The following SLC27A2 variants were observed in gnomAD, a reference collection of about 807,000 sequenced individuals.
SLC27A2 encodes the protein solute carrier family 27 member 2.
Under a neutral mutation model 60.0 loss-of-function variants are expected in SLC27A2, and 54 were observed. The ratio of observed to expected loss-of-function variants is 0.90; its 90% CI spans 0.72 to 1.13. The LOEUF is 1.13. SLC27A2 is among the 50% of genes most tolerant of loss of function. The pLI is 0.00. For missense variants in SLC27A2, 739 were observed against 777.6 expected (o/e 0.95, Z 0.59); for synonymous variants, 297 against 297.6 (o/e 1.00, Z 0.02).
chr15:50,200,400 A>C (rs1414029818), intron 2 of SLC27A2, among the ~76,000 whole-genome samples: 1 of 148,378 alleles, frequency 6.7e-6, no homozygotes, highest in Non-Finnish European at 1.5e-5. Context: ...CTGGCAACAG[A>C]GTGAAAGCCT....
chr15:50,201,052 C>T (rs865965674), intron 2 of SLC27A2, among the ~76,000 whole-genome samples: 1 of 152,196 alleles, frequency 6.6e-6, no homozygotes, highest in Middle Eastern at 3.2e-3. Context: ...AGTACAGTGG[C>T]AGGATCAGGG....
rs1231727452 is a variant in SLC27A2 at position 50,196,109 on chromosome 15, T to A, written c.479-1391T>A. On this transcript the variant is annotated intron_variant, in intron 1 of 9. Transcript: ENST00000267842. ...ATATATATATATATATATATATATA[T>A]ATATATATATATATATGTATGTACA... 1.2e-3 allele frequency among the ~76,000 whole-genome samples: 106 copies of A among 87,812 alleles called. 7 individuals are homozygous for A. The highest frequency in any genetic ancestry group is 6.3e-3 in the Middle Eastern group (1 of 160). 57.6% of individuals were successfully genotyped at this position (87,812 alleles called of 152,430 possible). A position where few individuals can be genotyped will look rare whatever the true frequency, so the allele number is the denominator to read the frequency against.
chr15:50,193,729 A>G (rs1014123375), intron 1 of SLC27A2, among the ~76,000 whole-genome samples: 1 of 152,186 alleles, frequency 6.6e-6, no homozygotes, highest in Admixed American at 6.5e-5. Context: ...TTCCACACTA[A>G]TATCATATTT....
At chr15:50,201,921 G>A (rs771968275) in intron 2 of SLC27A2, among the ~76,000 whole-genome samples, 51 of 152,186 alleles carry the variant, frequency 3.4e-4, no homozygotes, top group Non-Finnish European at 5.4e-4. Context: ...TGCTTTGTTT[G>A]TATAAAATAA....
intron 6 of SLC27A2, among the ~76,000 whole-genome samples, chr15:50,226,405 G>C (rs1485339318): frequency 2.0e-5 from 3 of 152,184 alleles, no homozygotes; most frequent in African/African-American, 7.2e-5. Context: ...GTGTAAGTGT[G>C]CATAAATCAT....
At chr15:50,224,872 A>C (rs2140912191) in intron 5 of SLC27A2, among the ~76,000 whole-genome samples, 1 of 152,276 alleles carries the variant, frequency 6.6e-6, no homozygotes, top group African/African-American at 2.4e-5. Context: ...CAGACTGAGA[A>C]TCGATCTCCT....
At chr15:50,210,944 G>A (rs1434601979) in intron 4 of SLC27A2, among the ~76,000 whole-genome samples, 1 of 152,142 alleles carries the variant, frequency 6.6e-6, no homozygotes, top group African/African-American at 2.4e-5. Flanking sequence ...AGTGACCTGG[G>A]AATCTCGCCC....
intron 3 of SLC27A2, among the ~76,000 whole-genome samples, chr15:50,203,020 A>AAAAAAT (rs369562703): frequency 6.1e-5 from 9 of 147,798 alleles, no homozygotes; most frequent in East Asian, 4.0e-4. Flanking sequence ...CTCTAAAAAA[A>AAAAAAT]ATATATATAT....
At chr15:50,217,475 A>G (rs2045207733) in intron 4 of SLC27A2, among the ~76,000 whole-genome samples, 1 of 152,132 alleles carries the variant, frequency 6.6e-6, no homozygotes, top group African/African-American at 2.4e-5. Flanking sequence ...CTGCACAGAT[A>G]CTGGAACTCC....
At chr15:50,193,702 C>G (rs2433281) in intron 1 of SLC27A2, among the ~76,000 whole-genome samples, 130,139 of 152,208 alleles carry the variant, frequency 0.86, 56,248 homozygotes, top group East Asian at 0.95. Context: ...AGCAGCTTTA[C>G]CTTATTCCTC....
At chr15:50,192,101 A>G (rs2044979096) in intron 1 of SLC27A2, among the ~76,000 whole-genome samples, 1 of 152,142 alleles carries the variant, frequency 6.6e-6, no homozygotes, top group Non-Finnish European at 1.5e-5. Flanking sequence ...AGGCCCAAAC[A>G]TATCTACAAA....
chr15:50,228,808 TG>T, intron 7 of SLC27A2, 136 bp from the exon 8 acceptor site: 1 of 649,746 alleles, frequency 1.5e-6, no homozygotes, highest in Non-Finnish European at 2.8e-6. Flanking sequence ...AGGACTAAGT[TG>T]GGGAGTTTGA....
rs1360660667 is a variant in SLC27A2 at position 50,202,600 on chromosome 15, C to G, written c.802C>G (p.His268Asp). ...CATCTATATCACTCTGCCCTTTTACCACAGTGCTGCACTACTGATTGGCAT... is the reference window on the plus strand; with the variant it reads ...CATCTATATCACTCTGCCCTTTTACGACAGTGCTGCACTACTGATTGGCAT... ...DVIYITLPFY[H>D]SAALLIGIHG... The change falls in exon 3 of 10, where the codon CAC becomes GAC. Residue 268 changes from histidine (H) to aspartate (D), a missense_variant. Physicochemically the swap from His to Asp is moderately conservative, Grantham distance 81. Coordinates refer to ENST00000267842, the MANE Select transcript of SLC27A2 (RefSeq NM_003645.4). 2 of 1,614,022 alleles carry G rather than the reference C, an allele frequency of 1.2e-6. No individual in the cohort carries two copies. Among genetic ancestry groups the G allele is most frequent in the Non-Finnish European group, 1.7e-6 (2 of 1,180,024 alleles).
intron 4 of SLC27A2, among the ~76,000 whole-genome samples, chr15:50,216,644 A>G (rs1245199549): frequency 2.6e-5 from 3 of 114,524 alleles, no homozygotes; most frequent in South Asian, 2.9e-4. Context: ...ATATATATAT[A>G]TATATATATA....
intron 4 of SLC27A2, among the ~76,000 whole-genome samples, chr15:50,211,272 G>T (rs1193197469): frequency 6.6e-6 from 1 of 152,146 alleles, no homozygotes; most frequent in East Asian, 1.9e-4. Context: ...TGGTATCCAT[G>T]GCTGAGAGAC....
chr15:50,205,052 T>C (rs1197117127), intron 3 of SLC27A2, among the ~76,000 whole-genome samples, 187 bp from the exon 4 acceptor site: 1 of 151,816 alleles, frequency 6.6e-6, no homozygotes, highest in African/African-American at 2.4e-5. Context: ...CCTCCATAGA[T>C]TGGAAGCCCC....
At chr15:50,229,104 A>G in intron 8 of SLC27A2, 62 bp downstream of exon 8, 1 of 1,172,980 alleles carries the variant, frequency 8.5e-7, no homozygotes, top group Admixed American at 1.8e-5. Context: ...TTTGGCCTCA[A>G]GGCGAAGTTT....
chr15:50,194,724 C>T lies in SLC27A2; in HGVS notation c.479-2776C>T, dbSNP rs57530879. 1.1e-3 allele frequency among the ~76,000 whole-genome samples: 173 copies of T among 152,070 alleles called. 1 individual carries two copies. The East Asian group carries it at 0.019, about 17-fold the overall frequency. ...GCACAGGAGTGGATGCTACCACTCC[C>T]GTTTCTACAACAGTCATATTTATGG... On this transcript the variant is annotated intron_variant, in intron 1 of 9. Coordinates refer to ENST00000267842, the MANE Select transcript of SLC27A2 (RefSeq NM_003645.4).
intron 4 of SLC27A2, among the ~76,000 whole-genome samples, chr15:50,211,259 T>C (rs1414897356): frequency 6.6e-6 from 1 of 152,176 alleles, no homozygotes; most frequent in Non-Finnish European, 1.5e-5. Flanking sequence ...CTGGAACAGG[T>C]GCTGGTATCC....
Sources: allele counts gnomAD v4.1 joint callset (sites outside exome capture counted in the v4.1 genomes callset), GRCh38; gene constraint gnomAD v4.1.1; transcripts MANE v1.5; gene names NCBI Gene and HGNC (gene_info 2026-07-23, HGNC 2026-07-21).